Variants in ZNF254 observed in about 807,000 individuals in gnomAD.
ZNF254 encodes CTD-2017D11.1.
A neutral mutation model predicts 12.4 loss-of-function variants in ZNF254; 10 were observed. That is an observed-to-expected ratio of 0.80 (90% CI 0.50 to 1.36). The LOEUF (loss-of-function observed/expected upper bound fraction) is 1.36, where lower values mean the gene tolerates loss of function less well. ZNF254 is among the 40% of genes most tolerant of loss of function. ZNF254 has a pLI of 0.00. For synonymous variants in ZNF254, 305 were observed against 253.4 expected, an observed-to-expected ratio of 1.20 and a Z score of -1.93; for missense variants, 996 against 763.9, an observed-to-expected ratio of 1.30 and a Z score of -3.58.
intron 3 of ZNF254, among the ~76,000 whole-genome samples, chr19:24,115,129 G>T (rs1356405112): frequency 1.3e-5 from 2 of 152,112 alleles, no homozygotes. Flanking sequence ...ATTCCTCAGG[G>T]ATCTAGAACT....
intron 2 of ZNF254, among the ~76,000 whole-genome samples, chr19:24,073,457 C>A (rs1410305828): frequency 1.3e-5 from 2 of 152,154 alleles, no homozygotes; most frequent in Non-Finnish European, 2.9e-5. Context: ...TTGTGACTTT[C>A]ATGAATACTG....
At chr19:24,114,654 G>C (rs1364979001) in intron 3 of ZNF254, among the ~76,000 whole-genome samples, 5 of 134,778 alleles carry the variant, frequency 3.7e-5, no homozygotes, top group Non-Finnish European at 4.6e-5. Flanking sequence ...AAAGCAATGG[G>C]AACAAAAGCC....
intron 2 of ZNF254, among the ~76,000 whole-genome samples, chr19:24,056,594 A>G (rs1970866145): frequency 6.6e-6 from 1 of 152,202 alleles, no homozygotes; most frequent in Non-Finnish European, 1.5e-5. Flanking sequence ...GACCATGACA[A>G]CAGAGCATTG....
intron 2 of ZNF254, among the ~76,000 whole-genome samples, chr19:24,053,743 C>A (rs1036761539): frequency 6.6e-6 from 1 of 151,564 alleles, no homozygotes; most frequent in Non-Finnish European, 1.5e-5. Flanking sequence ...CTGCATGGGC[C>A]CTGTCCACAG....
chr19:24,037,697 C>T (rs1055524303), intron 1 of ZNF254, among the ~76,000 whole-genome samples: 1 of 151,588 alleles, frequency 6.6e-6, no homozygotes, highest in African/African-American at 2.4e-5. Flanking sequence ...GCAACCTCCA[C>T]CTCCCAGGTT....
At chr19:24,041,432 C>CG (rs940447839) in intron 1 of ZNF254, among the ~76,000 whole-genome samples, 1 of 152,188 alleles carries the variant, frequency 6.6e-6, no homozygotes, top group Admixed American at 6.5e-5. Flanking sequence ...CTGCTGGCCC[C>CG]GGGCAATGGG....
intron 1 of ZNF254, among the ~76,000 whole-genome samples, chr19:24,093,465 T>C (rs1231857576): frequency 1.3e-5 from 2 of 152,212 alleles, no homozygotes; most frequent in African/African-American, 4.8e-5. Flanking sequence ...TTGATTTTTG[T>C]ATATGGTGTA....
chr19:24,123,129 G>A (rs750551162), intron 3 of ZNF254, among the ~76,000 whole-genome samples: 2 of 152,104 alleles, frequency 1.3e-5, no homozygotes, highest in Non-Finnish European at 2.9e-5. Flanking sequence ...GAGCTGGATG[G>A]ACCTTTTCAG....
intron 2 of ZNF254, among the ~76,000 whole-genome samples, chr19:24,057,619 G>T (rs947243359): frequency 1.3e-5 from 2 of 152,206 alleles, no homozygotes; most frequent in African/African-American, 4.8e-5. Context: ...CTTTTCACAT[G>T]AATACAATCC....
chr19:24,087,419 C>T, intron 1 of ZNF254, 82 bp downstream of exon 1: 4 of 1,571,542 alleles, frequency 2.5e-6, no homozygotes, highest in Non-Finnish European at 3.5e-6. Flanking sequence ...GGGACTCAGG[C>T]CTCCCCCCAG....
Position 24,106,484 on chromosome 19 carries a change from A to G in ZNF254, c.158-64A>G, listed in dbSNP as rs895641537. The stretch of plus-strand genomic sequence containing the variant: ...TTCTATTATATCCTCCTTACTGAGC[A>G]CATTACTAAGTTGGTAATTGGAGAA... On this transcript the variant is annotated intron_variant, in intron 2 of 3. Transcript: ENST00000357002. 5.4e-6 allele frequency: 7 copies of G among 1,300,804 alleles called. No homozygotes were observed. The African/African-American group carries it at 1.0e-4, about 19-fold the overall frequency. 80.6% of individuals were successfully genotyped at this position (1,300,804 alleles called of 1,614,324 possible). A position where few individuals can be genotyped will look rare whatever the true frequency, so the allele number is the denominator to read the frequency against.
intron 3 of ZNF254, among the ~76,000 whole-genome samples, chr19:24,115,336 T>TG: frequency 6.6e-6 from 1 of 152,176 alleles, no homozygotes; most frequent in African/African-American, 2.4e-5. Flanking sequence ...CATGGAATAC[T>TG]ATGCAGCCAT....
At chr19:24,036,308 C>T (rs936755779) in intron 1 of ZNF254, among the ~76,000 whole-genome samples, 8 of 152,050 alleles carry the variant, frequency 5.3e-5, no homozygotes, top group South Asian at 2.1e-4. Context: ...CCACCCGCCT[C>T]GGCCTCCCAA....
chr19:24,127,940 C>A lies in ZNF254; in HGVS notation c.1940C>A (p.Thr647Lys). 4 of 1,587,286 alleles carry A rather than the reference C, an allele frequency of 2.5e-6. No homozygotes were observed. Among genetic ancestry groups the A allele is most frequent in the Non-Finnish European group, 2.6e-6 (3 of 1,170,344 alleles). ...KAFNRSSHLT[T>K]DKITHWREIL... ...TTTAATCGGTCCTCGCACCTCACCACAGATAAGATAACTCATTGGAGAGAA... is the reference window on the plus strand; with the variant it reads ...TTTAATCGGTCCTCGCACCTCACCAAAGATAAGATAACTCATTGGAGAGAA... The change falls in exon 4 of 4, where the codon ACA (threonine) becomes AAA (lysine). Residue 647 changes from threonine to lysine, a missense_variant. Transcript: ENST00000357002.
intron 2 of ZNF254, among the ~76,000 whole-genome samples, chr19:24,068,943 A>G (rs781225735): frequency 2.0e-5 from 3 of 152,166 alleles, no homozygotes; most frequent in Admixed American, 1.3e-4. Flanking sequence ...CAAATATTCT[A>G]TAAAGCCCTC....
At position 24,119,835 on chromosome 19, in the gene ZNF254, T is replaced by G. The variant is rs569646062; in HGVS notation, c.254-6419T>G. 5.7e-4 allele frequency among the ~76,000 whole-genome samples: 86 copies of G among 152,202 alleles called. 2 individuals are homozygous for G. The highest frequency in any genetic ancestry group is 8.8e-4 in the Non-Finnish European group (60 of 68,006). ...ATTTCTTAAAATGAAATTACTAGTT[T>G]TATTGCTATTGTTTTATGTGTTTGA... On this transcript the variant is annotated intron_variant, in intron 3 of 3. Transcript: ENST00000357002.
chr19:24,119,452 A>G (rs547477348), intron 3 of ZNF254, among the ~76,000 whole-genome samples: 28 of 151,990 alleles, frequency 1.8e-4, no homozygotes, highest in Non-Finnish European at 3.7e-4. Flanking sequence ...TAAGCCTCCC[A>G]GAGTGCTGGG....
intron 3 of ZNF254, among the ~76,000 whole-genome samples, chr19:24,122,159 C>T (rs963101798): frequency 2.0e-5 from 3 of 152,146 alleles, no homozygotes; most frequent in African/African-American, 7.2e-5. Flanking sequence ...TGTCATGCAA[C>T]ATATTGCTAG....
chr19:24,128,983 A>G lies in ZNF254; in HGVS notation c.*1003A>G, dbSNP rs1214763793. On this transcript the variant is annotated 3_prime_UTR_variant, in exon 4 of 4. Coordinates refer to ENST00000357002, the MANE Select transcript of ZNF254 (RefSeq NM_203282.4). ...ATCATTGCTGGTGTATTCATATGTG[A>G]AAGCATGTGACTAATTGTTGCTGCA... The G allele has an allele frequency of 6.7e-6, 1 of 149,756 alleles. No homozygotes were observed. Among genetic ancestry groups the G allele is most frequent in the Non-Finnish European group, 1.5e-5 (1 of 67,830 alleles). The allele number at this position is 149,756 out of a possible 1,614,324, so 9.3% of individuals were successfully genotyped here.
Sources: gnomAD v4.1 joint callset for allele counts (sites outside exome capture counted in the v4.1 genomes callset) on GRCh38, gnomAD v4.1.1 for gene constraint, MANE v1.5 for transcripts, NCBI Gene and HGNC (gene_info 2026-07-23, HGNC 2026-07-21) for gene names.